MAN2A1: variants seen among roughly 807,000 people sequenced by gnomAD.
MAN2A1 encodes alpha-mannosidase 2.
In MAN2A1, 76 loss-of-function variants were observed where a neutral mutation model predicts 142.6. That is an observed-to-expected ratio of 0.53 (90% CI 0.44 to 0.65). The LOEUF (loss-of-function observed/expected upper bound fraction) is 0.65, where lower values mean the gene tolerates loss of function less well. MAN2A1 is among the 30% of genes least tolerant of loss of function. MAN2A1 has a pLI of 0.00. For missense variants in MAN2A1, 1,311 were observed against 1,365.1 expected, an observed-to-expected ratio of 0.96 and a Z score of 0.62; for synonymous variants, 559 against 473.2, an observed-to-expected ratio of 1.18 and a Z score of -2.35.
At chr5:109,814,059 A>G (rs114191974) in intron 12 of MAN2A1, among the ~76,000 whole-genome samples, 145 of 152,310 alleles carry the variant, frequency 9.5e-4, no homozygotes, top group African/African-American at 3.3e-3. Flanking sequence ...TGTCACAGTG[A>G]GAACTAGGAG....
chr5:109,766,145 A>G (rs1182408585), intron 5 of MAN2A1, among the ~76,000 whole-genome samples: 1 of 152,100 alleles, frequency 6.6e-6, no homozygotes, highest in Non-Finnish European at 1.5e-5. Context: ...GAAAAACCAT[A>G]AGTTAGTACC....
chr5:109,781,647 C>G (rs1753461043), intron 9 of MAN2A1, 49 bp downstream of exon 9: 1 of 1,294,146 alleles, frequency 7.7e-7, no homozygotes, highest in Non-Finnish European at 1.1e-6. Flanking sequence ...TTTATATTAT[C>G]ATAATCTTTT....
rs1053140539 is a variant in MAN2A1, at chr5:109,735,447, G to T, written c.707+5934G>T. Among the ~76,000 whole-genome samples the T allele has an allele frequency of 1.1e-4, 16 of 152,294 alleles. No individual in the cohort carries two copies. In the East Asian group the frequency reaches 3.1e-3, roughly 29 times the overall value. On this transcript the variant is annotated intron_variant, in intron 4 of 21. Coordinates refer to ENST00000261483, the MANE Select transcript of MAN2A1 (RefSeq NM_002372.4). ...TAGCTGGTTATTTTGCTCGTTAGTT[G>T]ATGCAGTTTCTTCCTAGCCTCGATG...
intron 4 of MAN2A1, among the ~76,000 whole-genome samples, chr5:109,746,572 G>GTTTTTT (rs34492008): frequency 7.9e-6 from 1 of 126,084 alleles, no homozygotes; most frequent in African/African-American, 2.9e-5. Context: ...CATTGTGCTG[G>GTTTTTT]TTTTTTTTTT....
intron 1 of MAN2A1, among the ~76,000 whole-genome samples, chr5:109,710,147 T>C (rs1350187110): frequency 1.3e-5 from 2 of 152,240 alleles, no homozygotes; most frequent in African/African-American, 4.8e-5. Flanking sequence ...TTTCTCCATG[T>C]ACTTAATTCA....
intron 8 of MAN2A1, among the ~76,000 whole-genome samples, chr5:109,776,393 C>T (rs953362339): frequency 4.6e-5 from 7 of 151,676 alleles, no homozygotes; most frequent in African/African-American, 1.2e-4. Context: ...TTAAATTATC[C>T]GTGTATTTTC....
intron 13 of MAN2A1, among the ~76,000 whole-genome samples, chr5:109,818,909 CTG>C (rs1357808051): frequency 1.3e-4 from 20 of 152,182 alleles, no homozygotes; most frequent in Non-Finnish European, 2.9e-4. Flanking sequence ...GCCTTGGTAT[CTG>C]TAGAGGACTG....
chr5:109,797,740 A>G (rs760044577), intron 12 of MAN2A1, among the ~76,000 whole-genome samples: 1 of 152,176 alleles, frequency 6.6e-6, no homozygotes, highest in Non-Finnish European at 1.5e-5. Flanking sequence ...AGCCACCCCG[A>G]GTACACCATG....
intron 1 of MAN2A1, among the ~76,000 whole-genome samples, chr5:109,707,298 GTTTTTA>G (rs1201026236): frequency 6.6e-6 from 1 of 152,028 alleles, no homozygotes; most frequent in East Asian, 1.9e-4. Flanking sequence ...GGTGTGTTTT[GTTTTTA>G]TTTGTATTAT....
intron 1 of MAN2A1, among the ~76,000 whole-genome samples, chr5:109,702,494 C>T (rs978175748): frequency 1.3e-5 from 2 of 152,074 alleles, no homozygotes; most frequent in Non-Finnish European, 2.9e-5. Context: ...GAATACCCTC[C>T]AAACTGCCTC....
At chr5:109,740,730 T>C (rs1278679791) in intron 4 of MAN2A1, among the ~76,000 whole-genome samples, 1 of 56,948 alleles carries the variant, frequency 1.8e-5, no homozygotes, top group Non-Finnish European at 3.4e-5. Flanking sequence ...TCTCAGAATC[T>C]TCTTATTTAT....
intron 13 of MAN2A1, among the ~76,000 whole-genome samples, chr5:109,819,306 A>T (rs1170553422): frequency 6.6e-6 from 1 of 152,188 alleles, no homozygotes; most frequent in Non-Finnish European, 1.5e-5. Context: ...TTCAAATTCT[A>T]ATTGGACATA....
chr5:109,703,585 A>C (rs1269091549), intron 1 of MAN2A1, among the ~76,000 whole-genome samples: 1 of 152,108 alleles, frequency 6.6e-6, no homozygotes, highest in African/African-American at 2.4e-5. Context: ...TTTTAGAAGT[A>C]AAGTCGGTGT....
chr5:109,690,654 C>A lies in MAN2A1; in HGVS notation c.135+102C>A, dbSNP rs905711667. ...CTCTTCCTCCCGCCGCGGCCCCACACCCGTGCTGGGCGAGGCCAGGGGCTC... is the reference window on the plus strand; with the variant it reads ...CTCTTCCTCCCGCCGCGGCCCCACAACCGTGCTGGGCGAGGCCAGGGGCTC... On this transcript the variant is annotated intron_variant, in intron 1 of 21. Transcript: ENST00000261483. 3.0e-6 allele frequency: 4 copies of A among 1,350,356 alleles called. No homozygotes were observed. In the Admixed American group the frequency reaches 8.2e-5, roughly 28 times the overall value. The allele number at this position is 1,350,356 out of a possible 1,614,324, so 83.6% of individuals were successfully genotyped here. A position where few individuals can be genotyped will look rare whatever the true frequency, so the allele number is the denominator to read the frequency against.
At chr5:109,800,039 G>C (rs1753975544) in intron 12 of MAN2A1, among the ~76,000 whole-genome samples, 1 of 147,126 alleles carries the variant, frequency 6.8e-6, no homozygotes, top group South Asian at 2.2e-4. Context: ...AGTGAGTCAA[G>C]ATTGCGCCAC....
In MAN2A1 at chr5:109,690,231, G is replaced by C. The variant is rs1489519210; in HGVS notation, c.-187G>C. 3.2e-6 allele frequency: 2 copies of C among 623,812 alleles called. No homozygotes were observed. The highest frequency in any genetic ancestry group is 5.7e-6 in the Non-Finnish European group (2 of 351,770). 38.6% of individuals were successfully genotyped at this position (623,812 alleles called of 1,614,324 possible). On this transcript the variant is annotated 5_prime_UTR_variant, in exon 1 of 22. Transcript: ENST00000261483. ...GGGGAGGGCGGCAGGCCAGGGCGAA[G>C]GCCAAGGGCGTGTGGTGGCGCCGGA... is the stretch of plus-strand genomic sequence containing the variant.
At chr5:109,839,204 G>A (rs1561537864) in intron 16 of MAN2A1, among the ~76,000 whole-genome samples, 1 of 152,026 alleles carries the variant, frequency 6.6e-6, no homozygotes, top group Non-Finnish European at 1.5e-5. Flanking sequence ...GGATGTTTTT[G>A]GTTCATTTGT....
intron 3 of MAN2A1, among the ~76,000 whole-genome samples, chr5:109,722,082 A>T (rs1751619643): frequency 6.6e-6 from 1 of 152,210 alleles, no homozygotes; most frequent in African/African-American, 2.4e-5. Flanking sequence ...CAGTACTTGT[A>T]ACAGTTTTTA....
At chr5:109,705,885 T>C (rs1402181195) in intron 1 of MAN2A1, among the ~76,000 whole-genome samples, 1 of 152,214 alleles carries the variant, frequency 6.6e-6, no homozygotes, top group Non-Finnish European at 1.5e-5. Flanking sequence ...CATCTCCCTC[T>C]CTGGCCTGAC....
Sources: gnomAD v4.1 joint callset for allele counts (sites outside exome capture counted in the v4.1 genomes callset) on GRCh38, gnomAD v4.1.1 for gene constraint, MANE v1.5 for transcripts, NCBI Gene and HGNC (gene_info 2026-07-23, HGNC 2026-07-21) for gene names.